Variants in COQ8A observed in about 807,000 individuals in gnomAD.
The protein encoded by COQ8A is atypical kinase COQ8A, mitochondrial.
Under a neutral mutation model 65.0 loss-of-function variants are expected in COQ8A, and 51 were observed. That is an observed-to-expected ratio of 0.78 (90% CI 0.63 to 0.99). The LOEUF (loss-of-function observed/expected upper bound fraction) is 0.99, where lower values mean the gene tolerates loss of function less well. Ranked by LOEUF, COQ8A falls within the 50% of genes least tolerant of loss-of-function variation. COQ8A has a pLI of 0.00. For synonymous variants in COQ8A, 371 were observed against 353.2 expected (o/e 1.05, Z -0.57); for missense variants, 940 against 875.0 (o/e 1.07, Z -0.94).
At chr1:226,982,224 G>T in intron 6 of COQ8A, 75 bp downstream of exon 6, 1 of 1,527,242 alleles carries the variant, frequency 6.5e-7, no homozygotes, top group Non-Finnish European at 8.8e-7. Flanking sequence ...GCCGGGAGCA[G>T]TGGCCCCACC....
intron 5 of COQ8A, 92 bp downstream of exon 5, chr1:226,977,615 A>T: frequency 7.1e-7 from 1 of 1,404,494 alleles, no homozygotes; most frequent in Non-Finnish European, 9.8e-7. Flanking sequence ...TGGGAGTGTC[A>T]GCCAGCTGGG....
In COQ8A at chr1:226,986,766, G is replaced by T. The variant is rs372895507; in HGVS notation, c.*29G>T. The T allele has an allele frequency of 8.1e-6, 13 of 1,604,688 alleles. No individual in the cohort carries two copies. The highest frequency in any genetic ancestry group is 1.3e-5 in the African/African-American group (1 of 74,850). On this transcript the variant is annotated 3_prime_UTR_variant, in exon 15 of 15. Transcript: ENST00000366777. ...TGCGGGCCACGCCCAGGCCGGCTCC[G>T]CGGGAACTCTCTCCCTCAGACAGGC...
intron 1 of COQ8A, among the ~76,000 whole-genome samples, chr1:226,959,240 T>A (rs1658000280): frequency 6.6e-6 from 1 of 152,152 alleles, no homozygotes; most frequent in Non-Finnish European, 1.5e-5. Context: ...GTAGACTCCC[T>A]TGCAGAAAAA....
chr1:226,979,861 G>A (rs1659583708), intron 5 of COQ8A, among the ~76,000 whole-genome samples: 1 of 152,194 alleles, frequency 6.6e-6, no homozygotes. Context: ...TGAAGCCTGG[G>A]TTTCTCTGGA....
rs910093794 is a variant in COQ8A at position 226,987,113 on chromosome 1, G to A, written c.*376G>A. ...AAAACCCAGAAACATGAACAGATAC[G>A]ATTGTGGGATTTTATCATCTGTGTA... is the stretch of plus-strand genomic sequence containing the variant. On this transcript the variant is annotated 3_prime_UTR_variant, in exon 15 of 15. Transcript: ENST00000366777. 6.9e-6 allele frequency: 2 copies of A among 287,880 alleles called. No individual in the cohort carries two copies. The allele number at this position is 287,880 out of a possible 1,614,324, so 17.8% of individuals were successfully genotyped here. A position where few individuals can be genotyped will look rare whatever the true frequency, so the allele number is the denominator to read the frequency against.
intron 4 of COQ8A, among the ~76,000 whole-genome samples, chr1:226,976,762 AG>A (rs949397473): frequency 6.6e-6 from 1 of 152,112 alleles, no homozygotes; most frequent in African/African-American, 2.4e-5. Flanking sequence ...TTGATTCGGA[AG>A]ATTGTGAAAG....
rs137872711 is a variant in COQ8A at position 226,965,080 on chromosome 1, A to C, written c.258A>C (p.Ala86=). ...EGEFHFSVPH[A]AGASTDFSSA... is the part of the protein sequence containing the mutation. ...AGTTCCACTTCTCAGTCCCGCATGC[A>C]GCCGGAGCCTCCACAGACTTCTCTT... The change falls in exon 3 of 15, where the codon GCA becomes GCC. Residue 86 remains alanine (A), a synonymous_variant. Coordinates refer to ENST00000366777, the MANE Select transcript of COQ8A (RefSeq NM_020247.5). 6.7e-4 allele frequency: 1,074 copies of C among 1,613,938 alleles called. 1 individual carries two copies. Among genetic ancestry groups the C allele is most frequent in the Non-Finnish European group, 8.5e-4 (1,008 of 1,180,020 alleles).
In COQ8A at chr1:226,986,967, G is replaced by A. The variant is rs117808661; in HGVS notation, c.*230G>A. On this transcript the variant is annotated 3_prime_UTR_variant, in exon 15 of 15. Coordinates refer to ENST00000366777, the MANE Select transcript of COQ8A (RefSeq NM_020247.5). ...CCCACTGCTCGGTCAGTCTGCCTCC[G>A]TGTGTCCTCTGAAATAAGCAGATGA... 2,449 of 594,210 alleles carry A rather than the reference G, an allele frequency of 4.1e-3. 56 individuals carry two copies. The highest frequency in any genetic ancestry group is 0.035 in the East Asian group (1,236 of 35,098). The allele number at this position is 594,210 out of a possible 1,614,324, so 36.8% of individuals were successfully genotyped here. A position where few individuals can be genotyped will look rare whatever the true frequency, so the allele number is the denominator to read the frequency against.
Position 226,983,960 on chromosome 1 carries a change from G to A in COQ8A, c.1256+106G>A. On this transcript the variant is annotated intron_variant, in intron 10 of 14. Coordinates refer to ENST00000366777, the MANE Select transcript of COQ8A (RefSeq NM_020247.5). ...TCCAGCTCTGAGGGGCAGAGGGCTGGGGTTGCAGCCTGGGCCGAGGCCATA... is the reference window on the plus strand; with the variant it reads ...TCCAGCTCTGAGGGGCAGAGGGCTGAGGTTGCAGCCTGGGCCGAGGCCATA... 6 of 1,550,822 alleles carry A rather than the reference G, an allele frequency of 3.9e-6. No homozygotes were observed. The South Asian group carries it at 4.6e-5, about 12-fold the overall frequency.
chr1:226,985,243 C>T lies in COQ8A; in HGVS notation c.1573-11C>T, dbSNP rs1660017967. The T allele has an allele frequency of 6.2e-7, 1 of 1,613,000 alleles. No individual in the cohort carries two copies. The stretch of plus-strand genomic sequence containing the variant: ...ATGCTGCCCACGGTCCCCTCCTGTG[C>T]CTCTCCCCAGATCATCAGGGCTGCT... On this transcript the variant is annotated splice_polypyrimidine_tract_variant and intron_variant, in intron 13 of 14. Transcript: ENST00000366777.
intron 1 of COQ8A, among the ~76,000 whole-genome samples, chr1:226,960,267 ACTTGGTGGCGGTGGTACTTGGTGG>A (rs1558187012): frequency 7.1e-5 from 3 of 42,460 alleles, no homozygotes; most frequent in South Asian, 8.2e-4. Flanking sequence ...TGGTGGTGGT[ACTTGGTGGCGGTGGTACTTGGTGG>A]TGGTACTTGG....
chr1:226,947,264 T>C (rs1657096240), intron 1 of COQ8A, among the ~76,000 whole-genome samples: 1 of 152,214 alleles, frequency 6.6e-6, no homozygotes, highest in Admixed American at 6.5e-5. Context: ...GACTGGAGCC[T>C]GAGTCAGACA....
In COQ8A at chr1:226,972,953, C is replaced by T. The variant is rs116547945; in HGVS notation, c.656-4496C>T. 8.7e-3 allele frequency among the ~76,000 whole-genome samples: 1,327 copies of T among 152,366 alleles called. 22 individuals carry two copies. Among genetic ancestry groups the T allele is most frequent in the African/African-American group, 0.028 (1,184 of 41,578 alleles). On this transcript the variant is annotated intron_variant, in intron 4 of 14. Transcript: ENST00000366777. The surrounding 1 kb of genome is among the most constrained non-coding windows in gnomAD (Gnocchi z 4.3). ...CACAGTATCACTTGGTTTCTGGACA[C>T]GGTTCGAGACCTGGCTGTGGCTTGC... is the stretch of plus-strand genomic sequence containing the variant.
rs190481607 is a variant in COQ8A, at chr1:226,978,774, C to T, written c.730+1251C>T. ...ACACCCACCTCACACCCGCATACCT[C>T]CGTACACACCCACCTCTCACCCGCA... On this transcript the variant is annotated intron_variant, in intron 5 of 14. Transcript: ENST00000366777. Among the ~76,000 whole-genome samples, 181 of 119,736 alleles carry T rather than the reference C, an allele frequency of 1.5e-3. 35 individuals carry two copies. In the East Asian group the frequency reaches 0.029, roughly 19 times the overall value. The allele number at this position is 119,736 out of a possible 152,430, so 78.6% of individuals were successfully genotyped here.
At chr1:226,965,769 AC>A in intron 4 of COQ8A, 32 bp downstream of exon 4, 1 of 1,607,266 alleles carries the variant, frequency 6.2e-7, no homozygotes, top group Non-Finnish European at 8.5e-7. Flanking sequence ...GGACTGCCTC[AC>A]CTGCCCTGCC....
chr1:226,958,867 C>T (rs1407795164), intron 1 of COQ8A, among the ~76,000 whole-genome samples: 5 of 152,156 alleles, frequency 3.3e-5, no homozygotes, highest in Admixed American at 3.3e-4. Flanking sequence ...CATGGAGCAG[C>T]AGGAAGAAGT....
chr1:226,971,559 A>AAAG (rs1553277897), intron 4 of COQ8A, among the ~76,000 whole-genome samples: 3,530 of 151,532 alleles, frequency 0.023, 170 homozygotes, highest in African/African-American at 0.082. Context: ...AGAAAAAGAA[A>AAAG]AAAAAGAAAA....
At chr1:226,970,573 TTC>T (rs1199400997) in intron 4 of COQ8A, among the ~76,000 whole-genome samples, 1 of 152,244 alleles carries the variant, frequency 6.6e-6, no homozygotes, top group Non-Finnish European at 1.5e-5. Context: ...ACCGTGCATG[TTC>T]TCTCTTTGTT....
intron 14 of COQ8A, among the ~76,000 whole-genome samples, chr1:226,986,171 A>G (rs569424261): frequency 2.8e-4 from 42 of 152,002 alleles, no homozygotes; most frequent in Non-Finnish European, 4.7e-4. Flanking sequence ...TGGCCAGAAC[A>G]GTGTTTTGTT....
Sources: gnomAD v4.1 joint callset for allele counts (sites outside exome capture counted in the v4.1 genomes callset) on GRCh38, gnomAD v4.1.1 for gene constraint, Gnocchi (gnomAD v3.1) non-coding constraint, MANE v1.5 for transcripts, NCBI Gene and HGNC (gene_info 2026-07-23, HGNC 2026-07-21) for gene names.